The following VPS35 variants were observed in gnomAD, a reference collection of about 807,000 sequenced individuals.
The protein encoded by VPS35 is vacuolar protein sorting-associated protein 35.
Under a neutral mutation model 98.1 loss-of-function variants are expected in VPS35, and 21 were observed. That is an observed-to-expected ratio of 0.21 (90% CI 0.15 to 0.31). VPS35 has a LOEUF of 0.31. Among genes scored for constraint, VPS35 ranks in the 10% least tolerant of loss-of-function variants. The probability of loss-of-function intolerance (pLI) is 1.00; values close to 1 mark genes in which losing one functional copy is unlikely to be tolerated. For synonymous variants in VPS35, 268 were observed against 318.2 expected, an observed-to-expected ratio of 0.84 and a Z score of 1.68; for missense variants, 554 against 950.8, an observed-to-expected ratio of 0.58 and a Z score of 5.49.
At position 46,674,558 on chromosome 16, in the gene VPS35, A is replaced by G; in HGVS notation, c.1011+6T>C. 1.2e-6 allele frequency: 2 copies of G among 1,609,742 alleles called. No homozygotes were observed. The highest frequency in any genetic ancestry group is 1.7e-6 in the Non-Finnish European group (2 of 1,177,530). ...TTTGAGAACTTAGGAGAAATGCTACACAAACCTGTATCACTGTAGCCACCT... is the reference window on the plus strand; with the variant it reads ...TTTGAGAACTTAGGAGAAATGCTACGCAAACCTGTATCACTGTAGCCACCT... On this transcript the variant is annotated splice_donor_region_variant and intron_variant, in intron 9 of 16. Transcript: ENST00000299138.
chr16:46,682,417 A>C (rs370581772), intron 2 of VPS35: 4 of 458,416 alleles, frequency 8.7e-6, no homozygotes, highest in East Asian at 4.2e-5. Flanking sequence ...GCTTCTTGAT[A>C]GAATGCTAAT....
rs369756092 is a variant in VPS35, at chr16:46,660,189, G to GTTTTTTTTTT, written c.*282_*283insAAAAAAAAAA. The GTTTTTTTTTT allele has an allele frequency of 1.4e-3, 134 of 98,264 alleles. 29 individuals carry two copies. The highest frequency in any genetic ancestry group is 2.6e-3 in the South Asian group (9 of 3,478). The allele number at this position is 98,264 out of a possible 1,614,324, so 6.1% of individuals were successfully genotyped here. A position where few individuals can be genotyped will look rare whatever the true frequency, so the allele number is the denominator to read the frequency against. ...GCCAAGATAAGTGCTTGTGGGTTTT[G>GTTTTTTTTTT]TGTTTTTTTTTTTTTTTTTTTTTAC... On this transcript the variant is annotated 3_prime_UTR_variant, in exon 17 of 17. Coordinates refer to ENST00000299138, the MANE Select transcript of VPS35 (RefSeq NM_018206.6).
intron 2 of VPS35, chr16:46,683,290 G>A (rs1201343264): frequency 1.9e-5 from 11 of 587,890 alleles, no homozygotes; most frequent in Non-Finnish European, 3.3e-5. Flanking sequence ...TTCTAGTAGG[G>A]AAGACAGACA....
chr16:46,687,943 C>T (rs923904188), intron 1 of VPS35, among the ~76,000 whole-genome samples: 4 of 152,228 alleles, frequency 2.6e-5, no homozygotes, highest in African/African-American at 9.6e-5. Context: ...GTGTGTAATA[C>T]ATCCTCAATT....
rs1965978739 is a variant in VPS35 at position 46,665,693 on chromosome 16, T to C, written c.1648-2531A>G. Among the ~76,000 whole-genome samples, 3 of 152,226 alleles carry C rather than the reference T, an allele frequency of 2.0e-5. No homozygotes were observed. In the South Asian group the frequency reaches 6.2e-4, roughly 31 times the overall value. On this transcript the variant is annotated intron_variant, in intron 13 of 16. Transcript: ENST00000299138. Reference sequence around the variant, plus strand: ...AATAAGTAAAGGCTAGTTACTTTTATTTATTTGCCCTAAATCGTTTTGATC... The same window carrying C: ...AATAAGTAAAGGCTAGTTACTTTTACTTATTTGCCCTAAATCGTTTTGATC...
Position 46,674,556 on chromosome 16 carries a change from A to T in VPS35, c.1011+8T>A. Reference sequence around the variant, plus strand: ...GTTTTGAGAACTTAGGAGAAATGCTACACAAACCTGTATCACTGTAGCCAC... The same window carrying T: ...GTTTTGAGAACTTAGGAGAAATGCTTCACAAACCTGTATCACTGTAGCCAC... On this transcript the variant is annotated splice_region_variant and intron_variant, in intron 9 of 16. Coordinates refer to ENST00000299138, the MANE Select transcript of VPS35 (RefSeq NM_018206.6). The T allele has an allele frequency of 6.2e-7, 1 of 1,609,550 alleles. No homozygotes were observed. The highest frequency in any genetic ancestry group is 8.5e-7 in the Non-Finnish European group (1 of 1,177,406).
intron 1 of VPS35, among the ~76,000 whole-genome samples, chr16:46,687,585 CCA>C (rs950823122): frequency 2.0e-5 from 3 of 152,154 alleles, no homozygotes; most frequent in Non-Finnish European, 2.9e-5. Flanking sequence ...GTAAAGCAAT[CCA>C]CACACTGTAT....
chr16:46,660,773 A>T, intron 16 of VPS35, 122 bp from the exon 17 acceptor site: 1 of 772,796 alleles, frequency 1.3e-6, no homozygotes, highest in Admixed American at 2.1e-5. Flanking sequence ...AATTATGAAA[A>T]AAGAAAGATG....
Position 46,681,494 on chromosome 16 carries a change from G to A in VPS35, c.206C>T (p.Ala69Val). 1 of 1,612,436 alleles carries A rather than the reference G, an allele frequency of 6.2e-7. No homozygotes were observed. The highest frequency in any genetic ancestry group is 8.5e-7 in the Non-Finnish European group (1 of 1,179,450). ...CAAGTAGTGCAGTTCATCAGAAATG[G>A]CCATATCTTTTAATTATGATTAAGG... Reference protein sequence around the residue: ...SPKSYYELYMAISDELHYLEV... With the variant: ...SPKSYYELYMVISDELHYLEV... The change falls in exon 4 of 17, where the codon GCC becomes GTC. Residue 69 changes from alanine (A) to valine (V), a missense_variant. Transcript: ENST00000299138.
At chr16:46,687,458 A>G (rs752407042) in intron 1 of VPS35, among the ~76,000 whole-genome samples, 3 of 152,158 alleles carry the variant, frequency 2.0e-5, no homozygotes, top group Non-Finnish European at 4.4e-5. Context: ...TTCCACCTGG[A>G]GAATTTCTTT....
intron 14 of VPS35, 76 bp from the exon 15 acceptor site, chr16:46,662,558 C>A (rs1965929124): frequency 5.6e-6 from 9 of 1,597,816 alleles, no homozygotes. Flanking sequence ...GTACTTGTCA[C>A]CAAACCTCCA....
intron 13 of VPS35, 121 bp from the exon 14 acceptor site, chr16:46,663,283 C>G: frequency 1.1e-6 from 1 of 937,414 alleles, no homozygotes; most frequent in Non-Finnish European, 1.6e-6. Context: ...CATTTTCCTT[C>G]TCTGTTTCAG....
At chr16:46,682,358 GAA>G in intron 2 of VPS35, 183 bp from the exon 3 acceptor site, 1 of 575,638 alleles carries the variant, frequency 1.7e-6, no homozygotes, top group East Asian at 3.0e-5. Context: ...TACTGAAAAA[GAA>G]AAAGATACAT....
Position 46,662,245 on chromosome 16 carries a change from C to T in VPS35, c.2065G>A (p.Glu689Lys). 6.2e-7 allele frequency: 1 copy of T among 1,614,160 alleles called. No individual in the cohort carries two copies. Among genetic ancestry groups the T allele is most frequent in the Non-Finnish European group, 8.5e-7 (1 of 1,180,034 alleles). Residue 689 changes from glutamate to lysine, a missense_variant and splice_region_variant, in exon 15 of 17, where the codon GAG becomes AAG. Glu to Lys is a moderately conservative substitution (Grantham distance 56). This residue lies in a region of VPS35 where 153 missense variants were observed against 211.0 expected (regional missense o/e 0.73). Transcript: ENST00000299138. Reference protein sequence around the residue: ...SGRNTDKNGEELHGGKRVMEC... With the variant: ...SGRNTDKNGEKLHGGKRVMEC... ...CATGCAGTCAGGAATGACCTTACCT[C>T]CTCCCCATTTTTGTCCGTGTTTCTG...
chr16:46,660,361 G>T lies in VPS35; in HGVS notation c.*111C>A. On this transcript the variant is annotated 3_prime_UTR_variant, in exon 17 of 17. Transcript: ENST00000299138. ...GTAAAACACATCACAGGTAAGAAAT[G>T]GGAAACCTACCTCAGCATTTCTGAA... 1 of 1,385,312 alleles carries T rather than the reference G, an allele frequency of 7.2e-7. No homozygotes were observed. Among genetic ancestry groups the T allele is most frequent in the Non-Finnish European group, 1.0e-6 (1 of 988,478 alleles). The allele number at this position is 1,385,312 out of a possible 1,614,324, so 85.8% of individuals were successfully genotyped here.
At chr16:46,677,258 A>T in intron 7 of VPS35, 57 bp downstream of exon 7, 1 of 1,513,642 alleles carries the variant, frequency 6.6e-7, no homozygotes, top group Non-Finnish European at 9.2e-7. Flanking sequence ...CAAAACAATT[A>T]AATTTAATGA....
At chr16:46,662,763 T>C (rs772491658) in intron 14 of VPS35, among the ~76,000 whole-genome samples, 30 of 152,330 alleles carry the variant, frequency 2.0e-4, no homozygotes, top group South Asian at 6.2e-4. Context: ...CCATGAAACA[T>C]TTTTACCATG....
intron 13 of VPS35, 90 bp from the exon 14 acceptor site, chr16:46,663,252 T>C (rs1965940114): frequency 2.5e-6 from 3 of 1,201,226 alleles, no homozygotes; most frequent in Admixed American, 4.1e-5. Context: ...ATACTGTAAG[T>C]TGTGTGCACA....
rs746383321 is a variant in VPS35 at position 46,672,476 on chromosome 16, CA to C, written c.1161-5del. 3.7e-6 allele frequency: 6 copies of C among 1,610,544 alleles called. No homozygotes were observed. The South Asian group carries it at 6.6e-5, about 18-fold the overall frequency. On this transcript the variant is annotated splice_polypyrimidine_tract_variant and splice_region_variant and intron_variant, in intron 10 of 16. Transcript: ENST00000299138. The stretch of plus-strand genomic sequence containing the variant: ...AACTGCACTACTGGTAGCAATACTA[CA>C]AAAAGAAAAACAGAAGTCTTAATGA...
Sources: allele counts gnomAD v4.1 joint callset (sites outside exome capture counted in the v4.1 genomes callset), GRCh38; gene constraint gnomAD v4.1.1; regional missense constraint gnomAD v4.1.1; transcripts MANE v1.5; gene names NCBI Gene and HGNC (gene_info 2026-07-23, HGNC 2026-07-21).